The following KHDRBS2 variants were observed in gnomAD, a reference collection of about 807,000 sequenced individuals.
KHDRBS2 encodes the protein KH domain-containing, RNA-binding, signal transduction-associated protein 2.
In KHDRBS2, 26 loss-of-function variants were observed where a neutral mutation model predicts 44.3. The observed-to-expected ratio is 0.59, with a 90% confidence interval of 0.43 to 0.81. The LOEUF (loss-of-function observed/expected upper bound fraction) is 0.81. Among genes scored for constraint, KHDRBS2 ranks in the 40% least tolerant of loss-of-function variants. The pLI is 0.00. For missense variants in KHDRBS2, 476 were observed against 433.1 expected, an observed-to-expected ratio of 1.10 and a Z score of -0.88; for synonymous variants, 194 against 151.1, an observed-to-expected ratio of 1.28 and a Z score of -2.08.
chr6:61,852,402 A>G (rs1795565748), intron 6 of KHDRBS2, among the ~76,000 whole-genome samples: 1 of 151,824 alleles, frequency 6.6e-6, no homozygotes, highest in Admixed American at 6.6e-5. Context: ...CATCTCTACT[A>G]AAAATACAAA....
intron 4 of KHDRBS2, among the ~76,000 whole-genome samples, chr6:61,936,874 A>C (rs1299735971): frequency 6.6e-6 from 1 of 152,038 alleles, no homozygotes; most frequent in Non-Finnish European, 1.5e-5. Flanking sequence ...TTTCTCTAAA[A>C]GGTTAAAAAA....
At chr6:62,272,997 C>T (rs1216318606) in intron 1 of KHDRBS2, among the ~76,000 whole-genome samples, 1 of 151,804 alleles carries the variant, frequency 6.6e-6, no homozygotes, top group African/African-American at 2.4e-5. Flanking sequence ...ACCCAGTTTG[C>T]ACATGAGGAA....
intron 1 of KHDRBS2, among the ~76,000 whole-genome samples, chr6:62,277,835 T>C (rs1266510388): frequency 3.9e-5 from 6 of 152,222 alleles, no homozygotes; most frequent in African/African-American, 1.4e-4. Context: ...ATGAGTCAAA[T>C]GGAGGATGTG....
At chr6:62,036,522 C>T (rs1200696615) in intron 3 of KHDRBS2, among the ~76,000 whole-genome samples, 2 of 151,974 alleles carry the variant, frequency 1.3e-5, no homozygotes, top group South Asian at 4.2e-4. Flanking sequence ...AGCAAACCTG[C>T]ACTTTTATTC....
chr6:61,756,770 G>A (rs753001357), intron 6 of KHDRBS2, among the ~76,000 whole-genome samples: 1 of 152,202 alleles, frequency 6.6e-6, no homozygotes, highest in African/African-American at 2.4e-5. Context: ...GTAGACACAG[G>A]TATGCACCAG....
At chr6:61,677,307 G>T (rs556930820), downstream of KHDRBS2, among the ~76,000 whole-genome samples, 1 of 151,948 alleles carries the variant, frequency 6.6e-6, no homozygotes, top group East Asian at 2.0e-4. Flanking sequence ...ATAATGAGTA[G>T]GATGTCTGGG....
At chr6:61,941,750 T>A (rs1224093620) in intron 4 of KHDRBS2, among the ~76,000 whole-genome samples, 1 of 152,062 alleles carries the variant, frequency 6.6e-6, no homozygotes, top group Non-Finnish European at 1.5e-5. Context: ...CGTAGATACA[T>A]CTTTAGGAAA....
downstream of KHDRBS2, among the ~76,000 whole-genome samples, chr6:61,677,754 G>A (rs545084983): frequency 6.6e-6 from 1 of 151,976 alleles, no homozygotes; most frequent in East Asian, 2.0e-4. Flanking sequence ...ACTTTTGTAA[G>A]TCTGCCCCTC....
At chr6:62,272,324 G>A (rs1241909234) in intron 1 of KHDRBS2, among the ~76,000 whole-genome samples, 1 of 152,148 alleles carries the variant, frequency 6.6e-6, no homozygotes, top group Non-Finnish European at 1.5e-5. Flanking sequence ...TTGGCACTGA[G>A]TAACAAATGA....
chr6:61,553,164 G>C, the KHDRBS2 span, among the ~76,000 whole-genome samples: 1 of 152,084 alleles, frequency 6.6e-6, no homozygotes, highest in African/African-American at 2.4e-5. Context: ...TTTTATTACT[G>C]ATTCAAATTC....
intron 2 of KHDRBS2, among the ~76,000 whole-genome samples, chr6:62,170,749 C>T (rs1327680001): frequency 6.6e-6 from 1 of 151,966 alleles, no homozygotes; most frequent in Non-Finnish European, 1.5e-5. Context: ...CGTTATCCTC[C>T]CCAGCACAGC....
intron 6 of KHDRBS2, among the ~76,000 whole-genome samples, chr6:61,887,992 T>A (rs756804890): frequency 6.6e-6 from 1 of 152,138 alleles, no homozygotes; most frequent in African/African-American, 2.4e-5. Context: ...GAAAATATAA[T>A]ACAAGACAGG....
intron 6 of KHDRBS2, among the ~76,000 whole-genome samples, chr6:61,767,143 G>T (rs1363493313): frequency 6.6e-6 from 1 of 151,786 alleles, no homozygotes; most frequent in Non-Finnish European, 1.5e-5. Flanking sequence ...TCCAATGTTG[G>T]GTACATATAT....
intron 8 of KHDRBS2, among the ~76,000 whole-genome samples, chr6:61,691,079 G>A (rs546643986): frequency 2.0e-5 from 3 of 152,094 alleles, no homozygotes; most frequent in East Asian, 1.9e-4. Flanking sequence ...GAAGCTGAAC[G>A]TTCGTATTTT....
chr6:61,890,569 T>C (rs1274771760), intron 6 of KHDRBS2, among the ~76,000 whole-genome samples: 1 of 152,210 alleles, frequency 6.6e-6, no homozygotes, highest in Non-Finnish European at 1.5e-5. Context: ...TTCTCTCTTC[T>C]TAATTTTTAA....
chr6:61,732,712 T>A lies in KHDRBS2; in HGVS notation c.863A>T (p.Tyr288Phe). The A allele has an allele frequency of 6.2e-7, 1 of 1,611,900 alleles. No homozygotes were observed. Reference protein sequence around the residue: ...GEYDDQTYETYDNSYATQTQS... With the variant: ...GEYDDQTYETFDNSYATQTQS... ...TGTTTGGGTCGCATAGCTGTTATCATAAGTCTCATAGGTCTGGTCATCATA... is the reference window on the plus strand; with the variant it reads ...TGTTTGGGTCGCATAGCTGTTATCAAAAGTCTCATAGGTCTGGTCATCATA... Residue 288 changes from tyrosine to phenylalanine, a missense_variant, in exon 7 of 9, where the codon TAT becomes TTT. By Grantham distance (22) the Tyr-to-Phe change is conservative. Transcript: ENST00000281156.
chr6:61,913,180 G>A (rs1359012006), intron 4 of KHDRBS2, among the ~76,000 whole-genome samples: 2 of 152,100 alleles, frequency 1.3e-5, no homozygotes, highest in Non-Finnish European at 2.9e-5. Flanking sequence ...TATACTCTAT[G>A]ATTAATGTAC....
chr6:61,667,649 G>T, the KHDRBS2 span, among the ~76,000 whole-genome samples: 1 of 150,840 alleles, frequency 6.6e-6, no homozygotes, highest in African/African-American at 2.4e-5. Context: ...TGCAGTTGAT[G>T]TCATTTTTCC....
intron 6 of KHDRBS2, among the ~76,000 whole-genome samples, chr6:61,737,820 T>G (rs914885679): frequency 2.6e-5 from 4 of 151,996 alleles, no homozygotes; most frequent in African/African-American, 9.7e-5. Flanking sequence ...ACATGGAATG[T>G]TTTACATAAT....
Sources: gnomAD v4.1 joint callset for allele counts (sites outside exome capture counted in the v4.1 genomes callset) on GRCh38, gnomAD v4.1.1 for gene constraint, MANE v1.5 for transcripts, NCBI Gene and HGNC (gene_info 2026-07-23, HGNC 2026-07-21) for gene names.